KLRF1: variants seen among roughly 807,000 people sequenced by gnomAD.
The protein encoded by KLRF1 is killer cell lectin-like receptor subfamily F member 1.
In KLRF1, 27 loss-of-function variants were observed where a neutral mutation model predicts 30.7. The observed-to-expected ratio is 0.88, with a 90% CI of 0.65 to 1.21. The LOEUF (loss-of-function observed/expected upper bound fraction) is 1.21, where lower values mean the gene tolerates loss of function less well. KLRF1 is among the 50% of genes most tolerant of loss of function. The pLI is 0.00. For missense variants in KLRF1, 246 were observed against 259.3 expected, an observed-to-expected ratio of 0.95 and a Z score of 0.35; for synonymous variants, 92 against 89.3, an observed-to-expected ratio of 1.03 and a Z score of -0.17.
the KLRF1 span, among the ~76,000 whole-genome samples, chr12:9,819,925 C>T: frequency 1.3e-5 from 2 of 152,238 alleles, no homozygotes; most frequent in Non-Finnish European, 2.9e-5. Flanking sequence ...ATGGAGCTCC[C>T]AGAGGGAAAG....
the KLRF1 span, chr12:9,817,739 AT>A: frequency 4.8e-6 from 1 of 209,858 alleles, no homozygotes; most frequent in Non-Finnish European, 1.1e-5. Context: ...ACCCCATGAT[AT>A]TTTTTGGTCT....
intron 1 of KLRF1, among the ~76,000 whole-genome samples, chr12:9,828,178 CA>C (rs1867324221): frequency 6.6e-6 from 1 of 151,818 alleles, no homozygotes; most frequent in African/African-American, 2.4e-5. Context: ...CTCCCAGGTT[CA>C]AGCAATTCTC....
At chr12:9,824,001 A>C (rs1299825568), upstream of KLRF1, among the ~76,000 whole-genome samples, 1 of 152,142 alleles carries the variant, frequency 6.6e-6, no homozygotes, top group Non-Finnish European at 1.5e-5. Context: ...TAGCCTACCA[A>C]CCAAAAAAAG....
At position 9,844,455 on chromosome 12, in the gene KLRF1, G is replaced by A. The variant is rs765652347; in HGVS notation, c.625G>A (p.Ala209Thr). 5.0e-6 allele frequency: 8 copies of A among 1,609,374 alleles called. No homozygotes were observed. Among genetic ancestry groups the A allele is most frequent in the Non-Finnish European group, 6.8e-6 (8 of 1,176,360 alleles). The change falls in exon 6 of 6, where the codon GCT (alanine) becomes ACT (threonine). Residue 209 changes from alanine to threonine, a missense_variant. Coordinates refer to ENST00000617889, the MANE Select transcript of KLRF1 (RefSeq NM_016523.3). ...GGGACCAGCTAAAGAAAACAGCTGT[G>A]CTGCCATTAAGGAAAGCAAAATTTT... ...IKGPAKENSC[A>T]AIKESKIFSE...
At chr12:9,802,607 A>T in the KLRF1 span, among the ~76,000 whole-genome samples, 134 of 151,386 alleles carry the variant, frequency 8.9e-4, no homozygotes, top group African/African-American at 3.1e-3. Flanking sequence ...CAGCCTAAAA[A>T]CTCCTTAATG....
At chr12:9,820,108 G>T in the KLRF1 span, among the ~76,000 whole-genome samples, 1 of 152,022 alleles carries the variant, frequency 6.6e-6, no homozygotes, top group East Asian at 1.9e-4. Flanking sequence ...TCCTCACTGG[G>T]TGTGACCACC....
At chr12:9,803,061 T>C in the KLRF1 span, among the ~76,000 whole-genome samples, 1 of 152,090 alleles carries the variant, frequency 6.6e-6, no homozygotes. Flanking sequence ...CTTCAAAATA[T>C]ACTGCAAGGC....
chr12:9,814,934 T>C, the KLRF1 span, among the ~76,000 whole-genome samples: 2 of 151,822 alleles, frequency 1.3e-5, no homozygotes, highest in Non-Finnish European at 2.9e-5. Context: ...AATAGTAGAG[T>C]GACTATAGTT....
At chr12:9,817,546 C>G in the KLRF1 span, 1 of 353,940 alleles carries the variant, frequency 2.8e-6, no homozygotes, top group Non-Finnish European at 5.7e-6. Flanking sequence ...CATCCAGGGA[C>G]TTTGCGCTTA....
chr12:9,820,772 T>G, the KLRF1 span, among the ~76,000 whole-genome samples: 1 of 152,156 alleles, frequency 6.6e-6, no homozygotes, highest in South Asian at 2.1e-4. Flanking sequence ...CCTCCACCAC[T>G]GCAGTTGCAG....
chr12:9,838,350 G>C (rs777391484), intron 3 of KLRF1, among the ~76,000 whole-genome samples: 13 of 152,086 alleles, frequency 8.5e-5, no homozygotes, highest in Non-Finnish European at 1.3e-4. Flanking sequence ...GATTTTTCTG[G>C]GGGGGTGAAT....
chr12:9,842,416 T>G lies in KLRF1; in HGVS notation c.570T>G (p.Ser190=), dbSNP rs1460511614. ...TGACATGGACTTGGGTGGATGGTTC[T>G]CCAATAGATTCAAAGATGTGAGTCT... is the stretch of plus-strand genomic sequence containing the variant. ...LKMTWTWVDG[S]PIDSKIFFIK... Residue 190 remains serine (S), a synonymous_variant, in exon 5 of 6, where the codon TCT becomes TCG. Coordinates refer to ENST00000617889, the MANE Select transcript of KLRF1 (RefSeq NM_016523.3). 3 of 1,611,992 alleles carry G rather than the reference T, an allele frequency of 1.9e-6. No homozygotes were observed. Among genetic ancestry groups the G allele is most frequent in the Non-Finnish European group, 2.5e-6 (3 of 1,178,780 alleles).
the KLRF1 span, among the ~76,000 whole-genome samples, chr12:9,811,876 A>T: frequency 8.9e-4 from 136 of 152,352 alleles, no homozygotes; most frequent in African/African-American, 3.2e-3. Context: ...GTCAAGCACT[A>T]GTGCATTGGG....
At chr12:9,812,181 T>A in the KLRF1 span, among the ~76,000 whole-genome samples, 1 of 151,898 alleles carries the variant, frequency 6.6e-6, no homozygotes, top group Non-Finnish European at 1.5e-5. Context: ...CTGGCTAACA[T>A]GGTGAAACCC....
chr12:9,843,094 T>C (rs960413182), intron 5 of KLRF1, among the ~76,000 whole-genome samples: 1 of 152,198 alleles, frequency 6.6e-6, no homozygotes, highest in African/African-American at 2.4e-5. Context: ...GATATTATCC[T>C]GGATTATCTG....
At chr12:9,843,050 G>A (rs1591763398) in intron 5 of KLRF1, among the ~76,000 whole-genome samples, 1 of 152,240 alleles carries the variant, frequency 6.6e-6, no homozygotes, top group Admixed American at 6.5e-5. Context: ...AAGAGCCTTT[G>A]CAGGTATGAT....
At chr12:9,820,740 A>G in the KLRF1 span, among the ~76,000 whole-genome samples, 2 of 152,204 alleles carry the variant, frequency 1.3e-5, no homozygotes, top group African/African-American at 2.4e-5. Flanking sequence ...TGAGGAGGAA[A>G]TCACAGAGTC....
At chr12:9,806,883 C>CTGT in the KLRF1 span, among the ~76,000 whole-genome samples, 1 of 151,962 alleles carries the variant, frequency 6.6e-6, no homozygotes, top group Non-Finnish European at 1.5e-5. Flanking sequence ...GGGCCTTGAC[C>CTGT]TGTTGCCCAG....
chr12:9,835,077 A>G (rs1284099886), intron 3 of KLRF1, among the ~76,000 whole-genome samples: 5 of 152,072 alleles, frequency 3.3e-5, no homozygotes, highest in African/African-American at 1.2e-4. Context: ...GTCCTAAACC[A>G]ACAAGCAAGG....
Sources: gnomAD v4.1 joint callset for allele counts (sites outside exome capture counted in the v4.1 genomes callset) on GRCh38, gnomAD v4.1.1 for gene constraint, MANE v1.5 for transcripts, NCBI Gene and HGNC (gene_info 2026-07-23, HGNC 2026-07-21) for gene names.